The following C13orf46 variants were observed in gnomAD, a reference collection of about 807,000 sequenced individuals.
The protein encoded by C13orf46 is chromosome 13 open reading frame 46.
At chr13:113,952,481 G>A (rs1399020081), downstream of C13orf46, among the ~76,000 whole-genome samples, 8 of 152,198 alleles carry the variant, frequency 5.3e-5, no homozygotes, top group Admixed American at 3.9e-4. Flanking sequence ...ATGTGGGGCT[G>A]GGCCATCTCC....
rs965126241 is a variant in C13orf46, at chr13:113,968,695, C to T, written c.308G>A (p.Ser103Asn). The T allele has an allele frequency of 0.019, 2,877 of 152,448 alleles. 39 individuals carry two copies. The highest frequency in any genetic ancestry group is 0.028 in the Non-Finnish European group (1,875 of 68,084). The allele number at this position is 152,448 out of a possible 1,614,324, so 9.4% of individuals were successfully genotyped here. Reference protein sequence around the residue: ...FSTLGKLGHESGKQDPEREKS... With the variant: ...FSTLGKLGHENGKQDPEREKS... ...CTCCCTCTCTGGGTCTTGTTTTCCA[C>T]TCTCATGACCCAGCTTCCCAAGGGT... The change falls in exon 3 of 7, where the codon AGT becomes AAT. Residue 103 changes from serine (S) to asparagine (N), a missense_variant. Physicochemically the swap from Ser to Asn is conservative, Grantham distance 46 (BLOSUM62 1). Coordinates refer to ENST00000636427, the MANE Select transcript of C13orf46 (RefSeq NM_001365455.2).
chr13:113,931,068 G>A, the C13orf46 span, among the ~76,000 whole-genome samples: 5 of 152,174 alleles, frequency 3.3e-5, no homozygotes, highest in African/African-American at 1.2e-4. Context: ...TATTTGCCCC[G>A]TGTTTCTGCT....
downstream of C13orf46, among the ~76,000 whole-genome samples, chr13:113,953,093 G>A (rs897549238): frequency 6.6e-6 from 1 of 152,248 alleles, no homozygotes; most frequent in Non-Finnish European, 1.5e-5. Context: ...AGGACCCTCT[G>A]AGTTCAGCGC....
the C13orf46 span, among the ~76,000 whole-genome samples, chr13:113,945,628 G>GAAAGAAAGAA: frequency 7.7e-6 from 1 of 129,772 alleles, no homozygotes; most frequent in South Asian, 2.4e-4. Context: ...AAGAAAGAAA[G>GAAAGAAAGAA]AAAGAAAGAA....
chr13:113,943,888 C>T, the C13orf46 span, among the ~76,000 whole-genome samples: 25 of 152,288 alleles, frequency 1.6e-4, no homozygotes, highest in Admixed American at 1.2e-3. Context: ...TCCCTGCACC[C>T]GGCTGGCACA....
At chr13:113,931,134 G>T in the C13orf46 span, among the ~76,000 whole-genome samples, 1 of 152,208 alleles carries the variant, frequency 6.6e-6, no homozygotes, top group African/African-American at 2.4e-5. Context: ...CACCCAGGCC[G>T]AGACGCCAGA....
the C13orf46 span, among the ~76,000 whole-genome samples, chr13:113,931,898 A>G: frequency 6.6e-6 from 1 of 152,024 alleles, no homozygotes; most frequent in African/African-American, 2.4e-5. Context: ...CAGAGCCATG[A>G]CCACAATCGA....
chr13:113,950,880 C>A (rs2052486033), downstream of C13orf46, among the ~76,000 whole-genome samples: 1 of 152,238 alleles, frequency 6.6e-6, no homozygotes, highest in Non-Finnish European at 1.5e-5. Flanking sequence ...AGAGAGAAGA[C>A]CCTGTCTCCC....
the C13orf46 span, among the ~76,000 whole-genome samples, chr13:113,941,738 C>G: frequency 1.3e-5 from 2 of 152,226 alleles, no homozygotes; most frequent in African/African-American, 4.8e-5. Flanking sequence ...GTGCTGCCCC[C>G]ACTCTCCCCA....
intron 2 of C13orf46, among the ~76,000 whole-genome samples, chr13:113,969,802 G>T (rs1396671255): frequency 6.6e-6 from 1 of 152,156 alleles, no homozygotes; most frequent in Non-Finnish European, 1.5e-5. Flanking sequence ...CACTCGAGTT[G>T]TTTACATCTA....
chr13:113,972,828 A>C (rs987596336), intron 1 of C13orf46, among the ~76,000 whole-genome samples: 1 of 152,120 alleles, frequency 6.6e-6, no homozygotes, highest in Non-Finnish European at 1.5e-5. Context: ...CCCTTCAGGC[A>C]TCGGCTGGCT....
At chr13:113,961,302 A>T (rs996289678) in intron 6 of C13orf46, among the ~76,000 whole-genome samples, 4 of 149,766 alleles carry the variant, frequency 2.7e-5, no homozygotes, top group Non-Finnish European at 5.9e-5. Flanking sequence ...TTATATTAAT[A>T]TAATATCAGT....
chr13:113,930,500 G>A, the C13orf46 span, among the ~76,000 whole-genome samples: 1 of 152,204 alleles, frequency 6.6e-6, no homozygotes, highest in Non-Finnish European at 1.5e-5. Flanking sequence ...AGGGCAAGGT[G>A]CCTCCTGGTG....
At chr13:113,961,519 C>T (rs1426782546) in intron 6 of C13orf46, among the ~76,000 whole-genome samples, 3 of 147,158 alleles carry the variant, frequency 2.0e-5, no homozygotes, top group Non-Finnish European at 4.6e-5. Flanking sequence ...CAAATTTTAA[C>T]TGTGGCTGTT....
intron 2 of C13orf46, among the ~76,000 whole-genome samples, chr13:113,969,935 C>T (rs1268751433): frequency 6.6e-6 from 1 of 152,150 alleles, no homozygotes; most frequent in African/African-American, 2.4e-5. Context: ...AGGACACCAC[C>T]CCGCTACAGG....
the C13orf46 span, among the ~76,000 whole-genome samples, chr13:113,930,587 C>A: frequency 6.6e-6 from 1 of 152,180 alleles, no homozygotes; most frequent in Non-Finnish European, 1.5e-5. Flanking sequence ...TGAGCCCCCA[C>A]GAGCATCCAA....
the C13orf46 span, among the ~76,000 whole-genome samples, chr13:113,929,844 C>T: frequency 6.6e-5 from 10 of 152,228 alleles, no homozygotes; most frequent in African/African-American, 4.8e-5. Flanking sequence ...GTGGGCCCAG[C>T]GCCCTCCAAT....
chr13:113,947,927 T>C, the C13orf46 span, among the ~76,000 whole-genome samples: 1 of 152,216 alleles, frequency 6.6e-6, no homozygotes, highest in African/African-American at 2.4e-5. Context: ...CCCTCCTCCA[T>C]GATTCTGGCC....
At chr13:113,929,017 T>C in the C13orf46 span, among the ~76,000 whole-genome samples, 1 of 152,210 alleles carries the variant, frequency 6.6e-6, no homozygotes, top group Non-Finnish European at 1.5e-5. Flanking sequence ...TGGGCTCCAG[T>C]AGCCGGATGC....
Sources: gnomAD v4.1 joint callset for allele counts (sites outside exome capture counted in the v4.1 genomes callset) on GRCh38, gnomAD v4.1.1 for gene constraint, MANE v1.5 for transcripts, NCBI Gene and HGNC (gene_info 2026-07-23, HGNC 2026-07-21) for gene names.